ULK4: variants seen among roughly 807,000 people sequenced by gnomAD.
The protein encoded by ULK4 is inactive serine/threonine-protein kinase ULK4.
ULK4 carries 133 observed loss-of-function variants against 160.6 expected under a neutral mutation model. The observed-to-expected ratio is 0.83, with a 90% confidence interval of 0.72 to 0.96. The LOEUF is 0.96. Ranked by LOEUF, ULK4 falls within the 40% of genes least tolerant of loss-of-function variation. ULK4 has a pLI of 0.00. For missense variants in ULK4, 1,580 were observed against 1,499.5 expected (o/e 1.05, Z -0.89); for synonymous variants, 534 against 539.8 (o/e 0.99, Z 0.15).
Position 41,772,803 on chromosome 3 carries a change from C to T in ULK4, c.2193+16858G>A, listed in dbSNP as rs545248816. The stretch of plus-strand genomic sequence containing the variant: ...TTTAGACCAATATCCCTGATGAACA[C>T]TGATGCAAAAATCCTCAATAAAATA... On this transcript the variant is annotated intron_variant, in intron 21 of 36. Transcript: ENST00000301831. 4.3e-3 allele frequency among the ~76,000 whole-genome samples: 662 copies of T among 152,218 alleles called. 2 individuals are homozygous for T. The highest frequency in any genetic ancestry group is 6.5e-3 in the Admixed American group (99 of 15,268).
intron 22 of ULK4, among the ~76,000 whole-genome samples, chr3:41,738,124 G>A (rs1019994424): frequency 2.6e-5 from 4 of 151,882 alleles, no homozygotes; most frequent in Admixed American, 2.0e-4. Flanking sequence ...TTGTTCAACA[G>A]AACAGATTAT....
rs78367972 is a variant in ULK4, at chr3:41,682,184, A to G, written c.2782-380T>C. Reference sequence around the variant, plus strand: ...CCTAAACAACAATCAAAATGTTGGGAAAAAAAAGACACAATAGTCCCCATG... The same window carrying G: ...CCTAAACAACAATCAAAATGTTGGGGAAAAAAAGACACAATAGTCCCCATG... On this transcript the variant is annotated intron_variant, in intron 27 of 36. Transcript: ENST00000301831. 7.5e-3 allele frequency among the ~76,000 whole-genome samples: 1,142 copies of G among 152,000 alleles called. 6 individuals carry two copies. Among genetic ancestry groups the G allele is most frequent in the African/African-American group, 0.012 (484 of 41,488 alleles).
intron 23 of ULK4, among the ~76,000 whole-genome samples, chr3:41,717,108 T>C (rs542660383): frequency 7.9e-5 from 12 of 152,084 alleles, no homozygotes; most frequent in Admixed American, 4.6e-4. Flanking sequence ...TACAGTAAAA[T>C]AGAAGAAATA....
At chr3:41,658,731 A>ACACACACACACACACACACTGT (rs1553628709) in intron 30 of ULK4, among the ~76,000 whole-genome samples, 8 of 135,240 alleles carry the variant, frequency 5.9e-5, no homozygotes, top group African/African-American at 2.1e-4. Context: ...AAAACAGTAC[A>ACACACACACACACACACACTGT]CACACACACA....
intron 31 of ULK4, among the ~76,000 whole-genome samples, chr3:41,583,774 T>C (rs1162659383): frequency 1.3e-5 from 2 of 152,216 alleles, no homozygotes; most frequent in African/African-American, 4.8e-5. Flanking sequence ...TATTTGCTTC[T>C]AACAGGATGC....
At chr3:41,448,160 T>C (rs564298037) in intron 34 of ULK4, among the ~76,000 whole-genome samples, 81 of 152,198 alleles carry the variant, frequency 5.3e-4, no homozygotes, top group African/African-American at 1.7e-3. Flanking sequence ...GGTTTACAGC[T>C]TAGTGGGAGG....
At chr3:41,748,205 T>TAG (rs149689953) in intron 22 of ULK4, among the ~76,000 whole-genome samples, 1 of 148,476 alleles carries the variant, frequency 6.7e-6, no homozygotes, top group African/African-American at 2.5e-5. Context: ...ATACCATATA[T>TAG]AGAGAGAGAG....
intron 21 of ULK4, among the ~76,000 whole-genome samples, chr3:41,774,834 C>A (rs940259577): frequency 1.9e-4 from 29 of 150,550 alleles, no homozygotes; most frequent in Admixed American, 5.9e-4. Context: ...AAATGTCCAA[C>A]AATGATAGAT....
At chr3:41,553,748 T>C (rs914481120) in intron 32 of ULK4, among the ~76,000 whole-genome samples, 9 of 151,880 alleles carry the variant, frequency 5.9e-5, no homozygotes, top group East Asian at 3.9e-4. Flanking sequence ...TATTTTGATA[T>C]AGGCATGCAA....
At chr3:41,250,356 T>G (rs146624015) in intron 35 of ULK4, among the ~76,000 whole-genome samples, 4 of 152,370 alleles carry the variant, frequency 2.6e-5, no homozygotes, top group Non-Finnish European at 5.9e-5. Context: ...TAAAATTTCT[T>G]GTAATAAACG....
chr3:41,772,569 C>T (rs1243274954), intron 21 of ULK4, among the ~76,000 whole-genome samples: 1 of 152,086 alleles, frequency 6.6e-6, no homozygotes. Context: ...GAAATTGCGG[C>T]AATAATTAAT....
intron 32 of ULK4, among the ~76,000 whole-genome samples, chr3:41,557,667 G>A (rs1355090998): frequency 3.3e-5 from 5 of 151,676 alleles, no homozygotes; most frequent in African/African-American, 1.2e-4. Context: ...TTGGGAGGCT[G>A]AAGTGGGAGA....
At chr3:41,466,495 C>T (rs2083838889) in intron 32 of ULK4, among the ~76,000 whole-genome samples, 1 of 152,100 alleles carries the variant, frequency 6.6e-6, no homozygotes, top group African/African-American at 2.4e-5. Context: ...CATTACCTCA[C>T]ACAACATACA....
chr3:41,489,676 AT>A (rs968868835), intron 32 of ULK4, among the ~76,000 whole-genome samples: 2 of 151,846 alleles, frequency 1.3e-5, no homozygotes, highest in Non-Finnish European at 2.9e-5. Flanking sequence ...CTGCTTTGCA[AT>A]TTTTTCAAGG....
chr3:41,596,166 TG>T (rs1247297908), intron 31 of ULK4, among the ~76,000 whole-genome samples: 1 of 152,148 alleles, frequency 6.6e-6, no homozygotes, highest in East Asian at 1.9e-4. Context: ...GGTTTGGTGT[TG>T]GAATGGAACA....
At chr3:41,249,680 C>T in intron 35 of ULK4, 106 bp from the exon 36 acceptor site, 2 of 1,184,872 alleles carry the variant, frequency 1.7e-6, no homozygotes, top group Non-Finnish European at 1.2e-6. Context: ...CTGTGGCTGC[C>T]TAAGGCACTG....
chr3:41,704,874 C>T (rs531897296), intron 27 of ULK4, among the ~76,000 whole-genome samples, 183 bp downstream of exon 27: 2 of 152,182 alleles, frequency 1.3e-5, no homozygotes, highest in African/African-American at 2.4e-5. Context: ...TAAAGAAAAA[C>T]GCCAAGAAAG....
In ULK4 at chr3:41,789,702, A is replaced by G; in HGVS notation, c.2152T>C (p.Leu718=). 1 of 1,610,374 alleles carries G rather than the reference A, an allele frequency of 6.2e-7. No individual in the cohort carries two copies. The highest frequency in any genetic ancestry group is 8.5e-7 in the Non-Finnish European group (1 of 1,178,402). ...CTTTGAAGATGAATCCCACAGGACA[A>G]CATGGCAGCGAATAAGGTCAACATG... ...QYMLTLFAAM[L]SCGIHLQRLI... is the part of the protein sequence containing the mutation. Residue 718 remains leucine, a synonymous_variant, in exon 21 of 37, where the codon TTG becomes CTG. Coordinates refer to ENST00000301831, the MANE Select transcript of ULK4 (RefSeq NM_017886.4).
At chr3:41,676,213 G>A (rs1245534363) in intron 29 of ULK4, among the ~76,000 whole-genome samples, 1 of 152,258 alleles carries the variant, frequency 6.6e-6, no homozygotes, top group Middle Eastern at 3.4e-3. Context: ...CAGTTTAATT[G>A]TCTTGTATTA....
Sources: gnomAD v4.1 joint callset for allele counts (sites outside exome capture counted in the v4.1 genomes callset) on GRCh38, gnomAD v4.1.1 for gene constraint, MANE v1.5 for transcripts, NCBI Gene and HGNC (gene_info 2026-07-23, HGNC 2026-07-21) for gene names.